The following PHACTR2 variants were observed in gnomAD, a reference collection of about 807,000 sequenced individuals.
The protein encoded by PHACTR2 is chromosome 6 open reading frame 56.
In PHACTR2, 30 loss-of-function variants were observed where a neutral mutation model predicts 76.0. The observed-to-expected ratio is 0.39, with a 90% CI of 0.30 to 0.54. PHACTR2 has a LOEUF of 0.54. Among genes scored for constraint, PHACTR2 ranks in the 20% least tolerant of loss-of-function variants. The probability of loss-of-function intolerance (pLI) is 0.61; values close to 1 mark genes in which losing one functional copy is unlikely to be tolerated. For missense variants in PHACTR2, 696 were observed against 781.1 expected (o/e 0.89, Z 1.30); for synonymous variants, 292 against 292.5 (o/e 1.00, Z 0.02).
At position 143,742,943 on chromosome 6, in the gene PHACTR2, C is replaced by T. The variant is rs1778977523; in HGVS notation, c.215-6042C>T. 6.6e-6 allele frequency among the ~76,000 whole-genome samples: 1 copy of T among 152,206 alleles called. No individual in the cohort carries two copies. The highest frequency in any genetic ancestry group is 2.4e-5 in the African/African-American group (1 of 41,446). On this transcript the variant is annotated intron_variant, in intron 2 of 12. Transcript: ENST00000440869. The surrounding 1 kb of genome is among the most constrained non-coding windows in gnomAD (Gnocchi z 4.5). The stretch of plus-strand genomic sequence containing the variant: ...ATAGCTAATATGTATTGAATGCTTT[C>T]TAGATCCTAGGTACTGGTCTCAGTA...
At chr6:143,650,186 G>C (rs1035600083) in intron 1 of PHACTR2, among the ~76,000 whole-genome samples, 9 of 152,126 alleles carry the variant, frequency 5.9e-5, no homozygotes, top group Admixed American at 1.3e-4. Context: ...AGAGAAATCA[G>C]AGATGACACC....
chr6:143,815,939 A>T (rs1455948252), intron 12 of PHACTR2, among the ~76,000 whole-genome samples: 7 of 152,050 alleles, frequency 4.6e-5, no homozygotes, highest in South Asian at 4.1e-4. Flanking sequence ...ATAATTTTTT[A>T]AAATTAAATT....
chr6:143,799,322 T>C (rs570333365), intron 11 of PHACTR2, among the ~76,000 whole-genome samples: 1 of 152,342 alleles, frequency 6.6e-6, no homozygotes, highest in African/African-American at 2.4e-5. Context: ...TTTGTTAATC[T>C]TTTCAAAAAG....
At chr6:143,707,501 C>T (rs1370533979) in intron 1 of PHACTR2, among the ~76,000 whole-genome samples, 1 of 152,178 alleles carries the variant, frequency 6.6e-6, no homozygotes, top group African/African-American at 2.4e-5. Context: ...TCAGTTACAA[C>T]ATTTGTGAGC....
Position 143,746,113 on chromosome 6 carries a change from A to C in PHACTR2, c.215-2872A>C, listed in dbSNP as rs1779060238. Among the ~76,000 whole-genome samples, 3 of 152,340 alleles carry C rather than the reference A, an allele frequency of 2.0e-5. No individual in the cohort carries two copies. In the South Asian group the frequency reaches 6.2e-4, roughly 32 times the overall value. On this transcript the variant is annotated intron_variant, in intron 2 of 12. Transcript: ENST00000440869. ...TTAGTGCAAGAACGAACGTTTTAAA[A>C]GGTGCCCGAGCAGAGATTACAGACA...
intron 1 of PHACTR2, among the ~76,000 whole-genome samples, chr6:143,587,877 A>G (rs9390119): frequency 0.71 from 107,635 of 151,810 alleles, 38,422 homozygotes; most frequent in Middle Eastern, 0.8. Context: ...GCCAGGCGTG[A>G]TGGCACATGC....
In PHACTR2 at chr6:143,783,380, A is replaced by G; in HGVS notation, c.1707+100A>G. 1.5e-6 allele frequency: 1 copy of G among 685,840 alleles called. No individual in the cohort carries two copies. Among genetic ancestry groups the G allele is most frequent in the Admixed American group, 2.6e-5 (1 of 38,832 alleles). 42.5% of individuals were successfully genotyped at this position (685,840 alleles called of 1,614,324 possible). A position where few individuals can be genotyped will look rare whatever the true frequency, so the allele number is the denominator to read the frequency against. On this transcript the variant is annotated intron_variant, in intron 10 of 12. Transcript: ENST00000440869. The surrounding 1 kb of genome is among the most constrained non-coding windows in gnomAD (Gnocchi z 5.2). Reference sequence around the variant, plus strand: ...GTATGTGTAAATCAGATGTTTAGAAATAATTATTCCTATTAGTCTATAATC... The same window carrying G: ...GTATGTGTAAATCAGATGTTTAGAAGTAATTATTCCTATTAGTCTATAATC...
At chr6:143,545,533 A>G (rs55820800) in intron 1 of PHACTR2, among the ~76,000 whole-genome samples, 9,940 of 152,270 alleles carry the variant, frequency 0.065, 348 homozygotes, top group Middle Eastern at 0.082. Flanking sequence ...CACACTCTAT[A>G]GCAACCCTGT....
At chr6:143,703,845 A>C (rs940166546) in intron 1 of PHACTR2, among the ~76,000 whole-genome samples, 3 of 152,192 alleles carry the variant, frequency 2.0e-5, no homozygotes, top group African/African-American at 7.2e-5. Context: ...GTTCAAAAAT[A>C]ATCTAAAATT....
In PHACTR2 at chr6:143,761,057, A is replaced by G. The variant is rs534576559; in HGVS notation, c.694+417A>G. Reference sequence around the variant, plus strand: ...TAAGGTTTGCATATAAAAATGTGACAATTATAACTTTGATATATTTACTGG... The same window carrying G: ...TAAGGTTTGCATATAAAAATGTGACGATTATAACTTTGATATATTTACTGG... On this transcript the variant is annotated intron_variant, in intron 5 of 12. Coordinates refer to ENST00000440869, the MANE Select transcript of PHACTR2 (RefSeq NM_001100164.2). This position sits in a 1 kb window ranked among gnomAD's most constrained non-coding sequence, Gnocchi z 5.2. Among the ~76,000 whole-genome samples the G allele has an allele frequency of 1.3e-5, 2 of 152,314 alleles. No homozygotes were observed. Among genetic ancestry groups the G allele is most frequent in the East Asian group, 3.9e-4 (2 of 5,186 alleles).
chr6:143,747,330 G>A (rs1423063275), intron 2 of PHACTR2, among the ~76,000 whole-genome samples: 1 of 152,168 alleles, frequency 6.6e-6, no homozygotes, highest in Non-Finnish European at 1.5e-5. Flanking sequence ...GCTATTCTGT[G>A]GCACATGCAA....
chr6:143,603,151 A>AG (rs1310760886), intron 1 of PHACTR2, among the ~76,000 whole-genome samples: 4 of 150,170 alleles, frequency 2.7e-5, no homozygotes, highest in Non-Finnish European at 6.0e-5. Context: ...GTCTCAAAAA[A>AG]AAAAAAAAAA....
At position 143,715,946 on chromosome 6, in the gene PHACTR2, A is replaced by C. The variant is rs1051289503; in HGVS notation, c.214+3763A>C. The stretch of plus-strand genomic sequence containing the variant: ...TCTAGTCCTATCACCTAATGTCTCA[A>C]TTAGTGCAACGTAGCTTTTTTGCTA... On this transcript the variant is annotated intron_variant, in intron 2 of 12. Coordinates refer to ENST00000440869, the MANE Select transcript of PHACTR2 (RefSeq NM_001100164.2). 2.0e-5 allele frequency among the ~76,000 whole-genome samples: 3 copies of C among 152,180 alleles called. No individual in the cohort carries two copies. The South Asian group carries it at 6.2e-4, about 32-fold the overall frequency.
At chr6:143,752,666 C>T (rs1582841674) in intron 3 of PHACTR2, among the ~76,000 whole-genome samples, 1 of 152,144 alleles carries the variant, frequency 6.6e-6, no homozygotes, top group South Asian at 2.1e-4. Context: ...GTTCAGAAGG[C>T]AAATGGATTT....
rs935206017 is a variant in PHACTR2, at chr6:143,658,312, T to C, written c.13+49990T>C. On this transcript the variant is annotated intron_variant, in intron 1 of 11. Coordinates refer to the PHACTR2 transcript ENST00000305766. The surrounding 1 kb of genome is among the most constrained non-coding windows in gnomAD (Gnocchi z 4.1). The stretch of plus-strand genomic sequence containing the variant: ...TAACAAGGGAAATTCAGGTGAAACT[T>C]AAATATGAACTTAAAACTTAACCTG... Among the ~76,000 whole-genome samples the C allele has an allele frequency of 6.6e-6, 1 of 152,192 alleles. No homozygotes were observed. Among genetic ancestry groups the C allele is most frequent in the Non-Finnish European group, 1.5e-5 (1 of 68,032 alleles).
rs1776197265 is a variant in PHACTR2 at position 143,623,467 on chromosome 6, T to C, written c.13+15145T>C. Among the ~76,000 whole-genome samples the C allele has an allele frequency of 6.6e-6, 1 of 152,076 alleles. No individual in the cohort carries two copies. The highest frequency in any genetic ancestry group is 1.5e-5 in the Non-Finnish European group (1 of 68,006). Reference sequence around the variant, plus strand: ...GTGCATGCCTGTAGTCCCAGCTACGTGGGAGGCTGAGGCAGGAGAATCACT... The same window carrying C: ...GTGCATGCCTGTAGTCCCAGCTACGCGGGAGGCTGAGGCAGGAGAATCACT... On this transcript the variant is annotated intron_variant, in intron 1 of 11. Transcript: ENST00000305766. The surrounding 1 kb of genome is among the most constrained non-coding windows in gnomAD (Gnocchi z 5.9).
At position 143,564,196 on chromosome 6, in the gene PHACTR2, CATATATATATAT is replaced by C. The variant is rs59017997; in HGVS notation, c.217+27018_217+27029del. On this transcript the variant is annotated intron_variant, in intron 1 of 11. Transcript: ENST00000367584. Reference sequence around the variant, plus strand: ...ATGTGTGTGTGTATGTGTGTGTGTGCATATATATATATATATATATATATATATATATATATA... The same window carrying C: ...ATGTGTGTGTGTATGTGTGTGTGTGCATATATATATATATATATATATATA... 6.2e-3 allele frequency among the ~76,000 whole-genome samples: 251 copies of C among 40,300 alleles called. 5 individuals carry two copies. The Middle Eastern group carries it at 0.12, about 19-fold the overall frequency. The allele number at this position is 40,300 out of a possible 152,430, so 26.4% of individuals were successfully genotyped here. A position where few individuals can be genotyped will look rare whatever the true frequency, so the allele number is the denominator to read the frequency against.
chr6:143,805,495 A>C (rs1378688412), intron 11 of PHACTR2, among the ~76,000 whole-genome samples: 2 of 149,922 alleles, frequency 1.3e-5, no homozygotes, highest in Admixed American at 1.3e-4. Context: ...AAAAAAAAAA[A>C]AAAAACCTCC....
chr6:143,551,730 A>G (rs1328337707), intron 1 of PHACTR2, among the ~76,000 whole-genome samples: 1 of 152,184 alleles, frequency 6.6e-6, no homozygotes, highest in Admixed American at 6.5e-5. Context: ...GTTGGAAAAT[A>G]GGGTTGAGGC....
Sources: allele counts gnomAD v4.1 joint callset (sites outside exome capture counted in the v4.1 genomes callset), GRCh38; gene constraint gnomAD v4.1.1; non-coding constraint Gnocchi (gnomAD v3.1); transcripts MANE v1.5; gene names NCBI Gene and HGNC (gene_info 2026-07-23, HGNC 2026-07-21).